The following SELENOV variants were observed in gnomAD, a reference collection of about 807,000 sequenced individuals.
SELENOV encodes the protein selenoprotein V.
Under a neutral mutation model 21.6 loss-of-function variants are expected in SELENOV, and 25 were observed. The ratio of observed to expected loss-of-function variants is 1.16; its 90% CI spans 0.84 to 1.62. The LOEUF is 1.62. Ranked by LOEUF, SELENOV falls within the 40% of genes most tolerant of loss-of-function variation. The probability of loss-of-function intolerance (pLI) is 0.00; values close to 1 mark genes in which losing one functional copy is unlikely to be tolerated. For missense variants in SELENOV, 472 were observed against 459.0 expected (o/e 1.03, Z -0.26); for synonymous variants, 227 against 216.9 (o/e 1.05, Z -0.41).
chr19:39,515,169 G>A lies in SELENOV; in HGVS notation c.-44G>A. The A allele has an allele frequency of 8.3e-7, 1 of 1,210,790 alleles. No individual in the cohort carries two copies. Among genetic ancestry groups the A allele is most frequent in the South Asian group, 1.3e-5 (1 of 75,198 alleles). 75.0% of individuals were successfully genotyped at this position (1,210,790 alleles called of 1,614,324 possible). The stretch of plus-strand genomic sequence containing the variant: ...CTCTCCCCGCCCAAAGAGGGAAGGC[G>A]GGCGGGACTCCCCAACCGGCTTGCC... On this transcript the variant is annotated 5_prime_UTR_variant, in exon 1 of 6. Coordinates refer to ENST00000335426, the Ensembl canonical transcript of SELENOV. The surrounding 1 kb of genome is among the most constrained non-coding windows in gnomAD (Gnocchi z 5.1).
chr19:39,519,411 G>A (rs565050181), intron 5 of SELENOV, among the ~76,000 whole-genome samples: 1 of 152,138 alleles, frequency 6.6e-6, no homozygotes, highest in African/African-American at 2.4e-5. Flanking sequence ...ACTTTGGATG[G>A]CTAAAATGGC....
exon 6 of SELENOV, chr19:39,520,410 A>G (rs541198607): frequency 1.3e-5 from 2 of 151,576 alleles, no homozygotes; most frequent in East Asian, 3.9e-4. Flanking sequence ...TCTGGCCTCC[A>G]CTCCTCTTGC....
In SELENOV at chr19:39,515,773, C is replaced by G; in HGVS notation, c.561C>G (p.Pro187=). ...CGTCGGTCTCCAGCGAGGCCGGGCC[C>G]GCCCCGGGGCCCCTTCCCACGCGCA... The change falls in exon 1 of 6, where the codon CCC becomes CCG. Residue 187 remains proline, a synonymous_variant. Transcript: ENST00000335426. The surrounding 1 kb of genome is among the most constrained non-coding windows in gnomAD (Gnocchi z 5.1). The G allele has an allele frequency of 4.5e-6, 7 of 1,549,194 alleles. No individual in the cohort carries two copies. Among genetic ancestry groups the G allele is most frequent in the Non-Finnish European group, 6.1e-6 (7 of 1,146,234 alleles).
Position 39,515,279 on chromosome 19 carries a change from AC to A in SELENOV, c.71del (p.Pro24ArgfsTer23), listed in dbSNP as rs1339617357. 6.5e-7 allele frequency: 1 copy of A among 1,550,000 alleles called. No individual in the cohort carries two copies. Among genetic ancestry groups the A allele is most frequent in the African/African-American group, 1.4e-5 (1 of 72,728 alleles). On this transcript the variant is annotated frameshift_variant, in exon 1 of 6. Transcript: ENST00000335426. LOFTEE classifies it high-confidence loss of function. This position sits in a 1 kb window ranked among gnomAD's most constrained non-coding sequence, Gnocchi z 5.1. ...GACTTCAACCTCAGTCCGGGCTTCT[AC>A]CCCGACCCGGACACCGACTCCACTC...
intron 4 of SELENOV, 29 bp from the exon 5 acceptor site, chr19:39,519,042 C>T: frequency 6.2e-7 from 1 of 1,613,040 alleles, no homozygotes; most frequent in Non-Finnish European, 8.5e-7. Context: ...GGGTGGGAGA[C>T]CTGTGTGCTT....
rs73551884 is a variant in SELENOV at position 39,517,427 on chromosome 19, A to C, written c.810-1181A>C. Among the ~76,000 whole-genome samples, 227 of 152,222 alleles carry C rather than the reference A, an allele frequency of 1.5e-3. 1 individual carries two copies. The highest frequency in any genetic ancestry group is 5.3e-3 in the African/African-American group (221 of 41,542). On this transcript the variant is annotated intron_variant, in intron 1 of 5. Transcript: ENST00000335426. ...GGCTGGTGTGGAGGGGCAAGCAAAA[A>C]AACAATAATATGACCTGTAGAAAAT... is the stretch of plus-strand genomic sequence containing the variant.
chr19:39,516,148 G>A, intron 1 of SELENOV, 127 bp downstream of exon 1: 2 of 825,804 alleles, frequency 2.4e-6, no homozygotes, highest in East Asian at 5.3e-5. Context: ...GAGCCCCAGA[G>A]TTCCAGTTCC....
exon 4 of SELENOV, chr19:39,518,962 G>A: frequency 1.2e-6 from 2 of 1,613,794 alleles, no homozygotes; most frequent in Non-Finnish European, 1.7e-6. Context: ...ACGGGAGACT[G>A]GTCCATTCCA....
intron 1 of SELENOV, among the ~76,000 whole-genome samples, chr19:39,516,869 A>ATT (rs113574964): frequency 1.3e-4 from 20 of 149,346 alleles, no homozygotes; most frequent in South Asian, 4.3e-4. Context: ...CTAATTTTGT[A>ATT]TTTTTTTTTA....
At chr19:39,517,454 A>G (rs1343147024) in intron 1 of SELENOV, among the ~76,000 whole-genome samples, 1 of 152,088 alleles carries the variant, frequency 6.6e-6, no homozygotes, top group Non-Finnish European at 1.5e-5. Context: ...GTAGAAAATG[A>G]TCTCATATGT....
In SELENOV at chr19:39,515,568, C is replaced by T. The variant is rs2079691150; in HGVS notation, c.356C>T (p.Pro119Leu). 6.5e-7 allele frequency: 1 copy of T among 1,549,558 alleles called. No homozygotes were observed. ...ACTCCGGCTCGGACCCTGACTCCTCCAGTCCGGGTCCCAGCCCCAGCCCCA... is the reference window on the plus strand; with the variant it reads ...ACTCCGGCTCGGACCCTGACTCCTCTAGTCCGGGTCCCAGCCCCAGCCCCA... The change falls in exon 1 of 6, where the codon CCA becomes CTA. Residue 119 changes from proline (P) to leucine (L), a missense_variant. Coordinates refer to ENST00000335426, the Ensembl canonical transcript of SELENOV. This position sits in a 1 kb window ranked among gnomAD's most constrained non-coding sequence, Gnocchi z 5.1.
chr19:39,515,146 C>T lies in SELENOV; in HGVS notation c.-67C>T, dbSNP rs1037220197. The T allele has an allele frequency of 7.0e-6, 7 of 995,774 alleles. No homozygotes were observed. The highest frequency in any genetic ancestry group is 1.0e-5 in the Non-Finnish European group (7 of 668,082). The allele number at this position is 995,774 out of a possible 1,614,324, so 61.7% of individuals were successfully genotyped here. On this transcript the variant is annotated 5_prime_UTR_variant, in exon 1 of 6. Coordinates refer to ENST00000335426, the Ensembl canonical transcript of SELENOV. This position sits in a 1 kb window ranked among gnomAD's most constrained non-coding sequence, Gnocchi z 5.1. Reference sequence around the variant, plus strand: ...CTCAGAACCCGGTGCGGGAGACGCTCTCCCCGCCCAAAGAGGGAAGGCGGG... The same window carrying T: ...CTCAGAACCCGGTGCGGGAGACGCTTTCCCCGCCCAAAGAGGGAAGGCGGG...
At chr19:39,518,286 CAAAAAAACAAAA>C (rs947675228) in intron 1 of SELENOV, among the ~76,000 whole-genome samples, 1 of 112,148 alleles carries the variant, frequency 8.9e-6, no homozygotes, top group Non-Finnish European at 1.8e-5. Context: ...AACAAAAAAA[CAAAAAAACAAAA>C]AAAAAAGAGA....
Position 39,515,950 on chromosome 19 carries a change from T to C in SELENOV, c.738T>C (p.Cys246=), listed in dbSNP as rs1185845700. 1 of 1,608,364 alleles carries C rather than the reference T, an allele frequency of 6.2e-7. No individual in the cohort carries two copies. ...CGTCGGCCATCTCCTTACAGAATTG[T>C]ACGGAAACCTTCCCCTCCTCCAGCG... The change falls in exon 1 of 6, where the codon TGT becomes TGC. Residue 246 remains cysteine, a synonymous_variant. Transcript: ENST00000335426. This position sits in a 1 kb window ranked among gnomAD's most constrained non-coding sequence, Gnocchi z 5.1.
At position 39,515,517 on chromosome 19, in the gene SELENOV, C is replaced by T. The variant is rs867072799; in HGVS notation, c.305C>T (p.Pro102Leu). ...CCTACTCCGGTGCCGACTCCCGTTC[C>T]CGTCCGGAACCCAACTCCGGTCCCG... The change falls in exon 1 of 6, where the codon CCC becomes CTC. Residue 102 changes from proline (P) to leucine (L), a missense_variant. Coordinates refer to ENST00000335426, the Ensembl canonical transcript of SELENOV. This position sits in a 1 kb window ranked among gnomAD's most constrained non-coding sequence, Gnocchi z 5.1. The T allele has an allele frequency of 7.1e-6, 11 of 1,550,902 alleles. No homozygotes were observed. The highest frequency in any genetic ancestry group is 2.7e-5 in the African/African-American group (2 of 73,012).
intron 3 of SELENOV, 25 bp from the exon 4 acceptor site, chr19:39,518,878 C>T: frequency 1.2e-6 from 2 of 1,612,774 alleles, no homozygotes; most frequent in Non-Finnish European, 1.7e-6. Context: ...GCTTAGCCTC[C>T]CCTACGCTCA....
intron 1 of SELENOV, among the ~76,000 whole-genome samples, chr19:39,517,821 G>C (rs2079704676): frequency 6.6e-6 from 1 of 151,594 alleles, no homozygotes; most frequent in African/African-American, 2.4e-5. Flanking sequence ...AAAATTAGCT[G>C]GGTGTGATGG....
intron 1 of SELENOV, among the ~76,000 whole-genome samples, chr19:39,516,693 A>C (rs1158155900): frequency 7.3e-6 from 1 of 137,352 alleles, no homozygotes; most frequent in East Asian, 2.0e-4. Flanking sequence ...ATGCCTGCCT[A>C]ATTTTTTTTT....
chr19:39,516,427 G>GTCTC (rs143879239), intron 1 of SELENOV, among the ~76,000 whole-genome samples: 32 of 149,922 alleles, frequency 2.1e-4, no homozygotes, highest in East Asian at 1.4e-3. Flanking sequence ...CTGGCCCCTT[G>GTCTC]TCTCTCTCTC....
Sources: gnomAD v4.1 joint callset for allele counts (sites outside exome capture counted in the v4.1 genomes callset) on GRCh38, gnomAD v4.1.1 for gene constraint, Gnocchi (gnomAD v3.1) non-coding constraint, MANE v1.5 for transcripts, NCBI Gene and HGNC (gene_info 2026-07-23, HGNC 2026-07-21) for gene names.